Variants in ANXA2 observed in about 807,000 individuals in gnomAD.
ANXA2 encodes annexin II.
In ANXA2, 28 loss-of-function variants were observed where a neutral mutation model predicts 47.3. The observed-to-expected ratio is 0.59, with a 90% CI of 0.44 to 0.81. The LOEUF is 0.81. ANXA2 is among the 40% of genes least tolerant of loss of function. ANXA2 has a pLI of 0.00. For synonymous variants in ANXA2, 172 were observed against 155.5 expected (o/e 1.11, Z -0.79); for missense variants, 384 against 414.3 (o/e 0.93, Z 0.64).
chr15:60,394,750 G>A (rs2063059098), intron 1 of ANXA2: 1 of 151,890 alleles, frequency 6.6e-6, no homozygotes, highest in African/African-American at 2.4e-5. Context: ...ACCCTAGAAG[G>A]GAGATTTGGA....
At chr15:60,375,287 C>A (rs1216988343) in intron 3 of ANXA2, among the ~76,000 whole-genome samples, 1 of 152,144 alleles carries the variant, frequency 6.6e-6, no homozygotes, top group Non-Finnish European at 1.5e-5. Context: ...ACAAATACTG[C>A]TAAAATCAAA....
At chr15:60,381,377 GA>G (rs1368142458) in intron 3 of ANXA2, among the ~76,000 whole-genome samples, 2 of 152,152 alleles carry the variant, frequency 1.3e-5, no homozygotes, top group Non-Finnish European at 2.9e-5. Flanking sequence ...TCCAAGGGGG[GA>G]AAAGTGGAGA....
At chr15:60,391,857 A>G (rs908508197) in intron 1 of ANXA2, among the ~76,000 whole-genome samples, 3 of 151,114 alleles carry the variant, frequency 2.0e-5, no homozygotes, top group Admixed American at 6.6e-5. Flanking sequence ...CAACACTTCA[A>G]CCTCACCCAG....
At position 60,364,410 on chromosome 15, in the gene ANXA2, T is replaced by C; in HGVS notation, c.243+19A>G. 6.3e-7 allele frequency: 1 copy of C among 1,593,466 alleles called. No homozygotes were observed. The highest frequency in any genetic ancestry group is 8.6e-7 in the Non-Finnish European group (1 of 1,166,218). ...AAAATTCAACAAGAAATGCCCTCCATCCCTGGAATTGCCTGTACCTTTTTG... is the reference window on the plus strand; with the variant it reads ...AAAATTCAACAAGAAATGCCCTCCACCCCTGGAATTGCCTGTACCTTTTTG... On this transcript the variant is annotated intron_variant, in intron 4 of 12. Coordinates refer to ENST00000451270, the MANE Select transcript of ANXA2 (RefSeq NM_004039.3).
intron 7 of ANXA2, 60 bp from the exon 8 acceptor site, chr15:60,354,273 T>C: frequency 1.5e-6 from 2 of 1,366,306 alleles, no homozygotes; most frequent in East Asian, 2.3e-5. Flanking sequence ...AAACTGAAAA[T>C]GTTTTCTCCC....
At chr15:60,385,584 A>T (rs989504036) in intron 2 of ANXA2, 1 of 152,476 alleles carries the variant, frequency 6.6e-6, no homozygotes, top group Non-Finnish European at 1.5e-5. Context: ...ATAAATTAAT[A>T]AATAAAATAA....
At chr15:60,351,618 C>T in intron 10 of ANXA2, 106 bp downstream of exon 10, 1 of 760,844 alleles carries the variant, frequency 1.3e-6, no homozygotes, top group Non-Finnish European at 2.3e-6. Context: ...CCAAAGCATG[C>T]ATAGAAGCCA....
At chr15:60,371,034 A>AT (rs753127407) in intron 3 of ANXA2, among the ~76,000 whole-genome samples, 74 of 152,026 alleles carry the variant, frequency 4.9e-4, no homozygotes, top group African/African-American at 1.6e-3. Context: ...ATTTTTTACA[A>AT]TTTTTTTTCA....
At chr15:60,389,886 T>C (rs1170903781) in intron 1 of ANXA2, among the ~76,000 whole-genome samples, 1 of 152,206 alleles carries the variant, frequency 6.6e-6, no homozygotes, top group South Asian at 2.1e-4. Flanking sequence ...CAGAACTCTA[T>C]CTTGCCTTTC....
chr15:60,380,752 T>C (rs12909425), intron 3 of ANXA2, among the ~76,000 whole-genome samples: 88,199 of 142,416 alleles, frequency 0.62, 27,850 homozygotes, highest in African/African-American at 0.77. Context: ...TGCAGTGAGC[T>C]GAGATGATGC....
At chr15:60,371,621 G>C (rs1432599081) in intron 3 of ANXA2, among the ~76,000 whole-genome samples, 2 of 152,192 alleles carry the variant, frequency 1.3e-5, no homozygotes, top group African/African-American at 4.8e-5. Context: ...GTTTGATGAA[G>C]GTCTCGGGAG....
intron 3 of ANXA2, among the ~76,000 whole-genome samples, chr15:60,368,385 T>G (rs961901741): frequency 6.6e-6 from 1 of 151,878 alleles, no homozygotes; most frequent in Non-Finnish European, 1.5e-5. Flanking sequence ...GCTTCAAAGA[T>G]GCTTATTTCA....
In ANXA2 at chr15:60,348,527, G is replaced by T. The variant is rs192016086; in HGVS notation, c.960+548C>A. ...TGGGAGGCCGAGGCGGGCGGATCAC[G>T]AGGTCAGGAGATCGAGACCATCCTG... is the stretch of plus-strand genomic sequence containing the variant. On this transcript the variant is annotated intron_variant, in intron 12 of 12. Transcript: ENST00000451270. Among the ~76,000 whole-genome samples the T allele has an allele frequency of 9.1e-3, 1,379 of 152,180 alleles. 24 individuals carry two copies. The highest frequency in any genetic ancestry group is 0.032 in the African/African-American group (1,324 of 41,516).
Position 60,360,962 on chromosome 15 carries a change from A to C in ANXA2, c.336T>G (p.Ser112=). The C allele has an allele frequency of 6.2e-7, 1 of 1,611,408 alleles. No homozygotes were observed. Among genetic ancestry groups the C allele is most frequent in the Non-Finnish European group, 8.5e-7 (1 of 1,177,488 alleles). The change falls in exon 5 of 13, where the codon TCT becomes TCG. Residue 112 remains serine (S), a synonymous_variant. Transcript: ENST00000451270. The stretch of plus-strand genomic sequence containing the variant: ...TTACCTTCATGGAAGCTTTTAGCTC[A>C]GAAGCGTCATACTGAGCAGGTGTCT... ...LLKTPAQYDA[S]ELKASMKGLG...
intron 2 of ANXA2, chr15:60,384,758 T>A (rs975800842): frequency 2.0e-5 from 3 of 152,260 alleles, no homozygotes; most frequent in African/African-American, 7.2e-5. Context: ...TCCATTAATT[T>A]GAACATTTTG....
chr15:60,356,751 C>G (rs2062436876), intron 6 of ANXA2, among the ~76,000 whole-genome samples: 1 of 152,228 alleles, frequency 6.6e-6, no homozygotes, highest in Non-Finnish European at 1.5e-5. Context: ...ACAGGGGTCT[C>G]TTGCTGTAAT....
chr15:60,366,035 G>C (rs1384096852), intron 3 of ANXA2, among the ~76,000 whole-genome samples: 1 of 138,118 alleles, frequency 7.2e-6, no homozygotes, highest in African/African-American at 2.8e-5. Context: ...TTTTTTGGTG[G>C]AGACGGGGTT....
At chr15:60,397,805 C>T in intron 1 of ANXA2, 138 bp downstream of exon 1, 1 of 1,320,334 alleles carries the variant, frequency 7.6e-7, no homozygotes, top group Admixed American at 3.6e-5. Flanking sequence ...TGCCGGCCGT[C>T]CCTTCAGCCC....
intron 2 of ANXA2, among the ~76,000 whole-genome samples, chr15:60,385,295 T>C (rs1395661089): frequency 6.6e-6 from 1 of 152,186 alleles, no homozygotes; most frequent in Non-Finnish European, 1.5e-5. Flanking sequence ...GAGCCAGGCA[T>C]GGTGGCTCCC....
Sources: allele counts gnomAD v4.1 joint callset (sites outside exome capture counted in the v4.1 genomes callset), GRCh38; gene constraint gnomAD v4.1.1; transcripts MANE v1.5; gene names NCBI Gene and HGNC (gene_info 2026-07-23, HGNC 2026-07-21).